Variants in LGALS9B observed in about 807,000 individuals in gnomAD.
LGALS9B encodes galectin-9B.
In LGALS9B, 8 loss-of-function variants were observed where a neutral mutation model predicts 35.9. The ratio of observed to expected loss-of-function variants is 0.22; its 90% CI spans 0.13 to 0.40. LGALS9B has a LOEUF of 0.40. LGALS9B is among the 10% of genes least tolerant of loss of function. The pLI, the probability that LGALS9B is intolerant of heterozygous loss-of-function variation, is 1.00. For synonymous variants in LGALS9B, 42 were observed against 148.6 expected (o/e 0.28, Z 5.22); for missense variants, 101 against 397.9 (o/e 0.25, Z 6.35).
At chr17:20,461,363 G>T (rs1253367130) in intron 1 of LGALS9B, among the ~76,000 whole-genome samples, 3 of 151,788 alleles carry the variant, frequency 2.0e-5, no homozygotes, top group African/African-American at 7.3e-5. Context: ...TGGTAGAAGA[G>T]ACTGGCACAG....
chr17:20,466,854 C>T (rs2042766414), intron 1 of LGALS9B, among the ~76,000 whole-genome samples: 2 of 148,442 alleles, frequency 1.3e-5, no homozygotes, highest in Non-Finnish European at 2.9e-5. Context: ...GGAGGCCTTC[C>T]CTGCTGCCCC....
intron 1 of LGALS9B, among the ~76,000 whole-genome samples, chr17:20,466,077 A>T (rs1224591984): frequency 1.3e-5 from 2 of 152,032 alleles, no homozygotes; most frequent in Non-Finnish European, 2.9e-5. Flanking sequence ...AGAACCTGGA[A>T]GAAGCTCTGG....
At chr17:20,464,717 G>T (rs1386964269) in intron 1 of LGALS9B, among the ~76,000 whole-genome samples, 1 of 151,058 alleles carries the variant, frequency 6.6e-6, no homozygotes, top group Admixed American at 6.6e-5. Context: ...GGTCCCATGG[G>T]CCTGGGCTCG....
At chr17:20,460,937 C>T (rs1048704546) in intron 1 of LGALS9B, among the ~76,000 whole-genome samples, 3 of 144,836 alleles carry the variant, frequency 2.1e-5, no homozygotes, top group South Asian at 4.6e-4. Flanking sequence ...CAGGTTCCAC[C>T]GAGAGGGTCA....
chr17:20,467,315 G>T (rs978546207), intron 1 of LGALS9B, 117 bp downstream of exon 1: 3 of 728,302 alleles, frequency 4.1e-6, no homozygotes, highest in African/African-American at 1.9e-5. Context: ...CCCTGCTTGT[G>T]TTCTCTTTGG....
At chr17:20,467,087 A>ACCATG (rs2142431295) in intron 1 of LGALS9B, among the ~76,000 whole-genome samples, 1 of 142,920 alleles carries the variant, frequency 7.0e-6, no homozygotes, top group South Asian at 2.3e-4. Flanking sequence ...ACCCTTAACT[A>ACCATG]CCATGCCGGG....
chr17:20,454,515 G>A (rs916100772), intron 5 of LGALS9B, among the ~76,000 whole-genome samples: 2 of 151,696 alleles, frequency 1.3e-5, no homozygotes, highest in African/African-American at 4.8e-5. Flanking sequence ...AGCCCTCTGG[G>A]GCCTCATGGG....
Position 20,463,360 on chromosome 17 carries a change from A to T in LGALS9B, c.40-2917T>A, listed in dbSNP as rs1285739069. 9.7e-5 allele frequency among the ~76,000 whole-genome samples: 4 copies of T among 41,120 alleles called. 1 individual carries two copies. Among genetic ancestry groups the T allele is most frequent in the African/African-American group, 3.8e-4 (4 of 10,442 alleles). 27.0% of individuals were successfully genotyped at this position (41,120 alleles called of 152,430 possible). The stretch of plus-strand genomic sequence containing the variant: ...CAAGCCATACCCCACTAATTTTCAA[A>T]TTTTTTTGAAAAGACCAGGTCTCGA... On this transcript the variant is annotated intron_variant, in intron 1 of 10. Transcript: ENST00000423676.
intron 5 of LGALS9B, among the ~76,000 whole-genome samples, chr17:20,455,006 T>G (rs868011530): frequency 4.6e-5 from 6 of 129,528 alleles, no homozygotes; most frequent in East Asian, 2.3e-4. Flanking sequence ...GTGTGGGGGG[T>G]GGGGAACTGG....
chr17:20,458,119 TCA>T (rs2042701026), intron 3 of LGALS9B, 62 bp downstream of exon 3: 2 of 1,508,192 alleles, frequency 1.3e-6, no homozygotes, highest in African/African-American at 2.8e-5. Context: ...AAAAGGCCAT[TCA>T]CATTCACCTG....
chr17:20,451,030 T>C (rs1375976591), intron 10 of LGALS9B, among the ~76,000 whole-genome samples: 1 of 151,618 alleles, frequency 6.6e-6, no homozygotes, highest in African/African-American at 2.4e-5. Flanking sequence ...AATCTGTTCA[T>C]GCTTTAGTTT....
chr17:20,458,377 C>T lies in LGALS9B; in HGVS notation c.139G>A (p.Val47Met), dbSNP rs772305447. Residue 47 changes from valine (V) to methionine (M), a missense_variant, in exon 3 of 11, where the codon GTG becomes ATG. By Grantham distance (21) the Val-to-Met change is conservative. Coordinates refer to ENST00000423676, the MANE Select transcript of LGALS9B (RefSeq NM_001367292.2). ...CCACTGAAGCCCGTCTGAAAGTCCA[C>T]AGCAAACCTAGGCCCAGGAAAAGCA... ...VLSSSGTRFAVDFQTGFSGND... is the reference protein window; with the variant it reads ...VLSSSGTRFAMDFQTGFSGND... 1 of 1,609,492 alleles carries T rather than the reference C, an allele frequency of 6.2e-7. No individual in the cohort carries two copies. Among genetic ancestry groups the T allele is most frequent in the Non-Finnish European group, 8.5e-7 (1 of 1,177,876 alleles).
rs540455217 is a variant in LGALS9B, at chr17:20,464,201, C to T, written c.39+3231G>A. Reference sequence around the variant, plus strand: ...CAGCCTCCACTTCCCCAGGCTCACGCGATCCTCCCACCTCAGCCTCCCAGG... The same window carrying T: ...CAGCCTCCACTTCCCCAGGCTCACGTGATCCTCCCACCTCAGCCTCCCAGG... On this transcript the variant is annotated intron_variant, in intron 1 of 10. Transcript: ENST00000423676. Among the ~76,000 whole-genome samples, 28 of 149,372 alleles carry T rather than the reference C, an allele frequency of 1.9e-4. 1 individual carries two copies. Among genetic ancestry groups the T allele is most frequent in the African/African-American group, 5.2e-4 (21 of 40,364 alleles).
At chr17:20,453,222 G>A (rs2042663126) in intron 6 of LGALS9B, 155 bp from the exon 7 acceptor site, 3 of 863,494 alleles carry the variant, frequency 3.5e-6, no homozygotes, top group South Asian at 3.0e-5. Context: ...GGACGAGGGA[G>A]AGGCAAAGGT....
intron 4 of LGALS9B, among the ~76,000 whole-genome samples, chr17:20,456,086 C>T (rs1019622143): frequency 2.6e-5 from 4 of 151,240 alleles, no homozygotes; most frequent in Admixed American, 2.0e-4. Flanking sequence ...GGCCCAGGGG[C>T]GCCATTGTGT....
intron 3 of LGALS9B, chr17:20,457,444 G>T (rs2042695814): frequency 7.5e-6 from 1 of 133,186 alleles, no homozygotes; most frequent in African/African-American, 3.0e-5. Context: ...CCAGGCCCCA[G>T]TGTGTGTTGT....
At position 20,461,229 on chromosome 17, in the gene LGALS9B, G is replaced by A. The variant is rs565141367; in HGVS notation, c.40-786C>T. On this transcript the variant is annotated intron_variant, in intron 1 of 10. Transcript: ENST00000423676. ...TCCAGGTCTGAATCCTAACTCTGCT[G>A]CTCCTGACCTGAGTGGCCTTGGGAA... 2.0e-5 allele frequency among the ~76,000 whole-genome samples: 3 copies of A among 151,430 alleles called. No homozygotes were observed. The South Asian group carries it at 6.3e-4, about 32-fold the overall frequency.
chr17:20,464,180 C>T (rs2042745839), intron 1 of LGALS9B, among the ~76,000 whole-genome samples: 1 of 148,560 alleles, frequency 6.7e-6, no homozygotes, highest in African/African-American at 2.5e-5. Flanking sequence ...TCACTGCAGC[C>T]TCCACTTCCC....
chr17:20,466,365 A>C (rs1332323271), intron 1 of LGALS9B, among the ~76,000 whole-genome samples: 1 of 151,676 alleles, frequency 6.6e-6, no homozygotes, highest in African/African-American at 2.4e-5. Flanking sequence ...ACTCAGTATC[A>C]CCAGAGGGCA....
Sources: gnomAD v4.1 joint callset for allele counts (sites outside exome capture counted in the v4.1 genomes callset) on GRCh38, gnomAD v4.1.1 for gene constraint, MANE v1.5 for transcripts, NCBI Gene and HGNC (gene_info 2026-07-23, HGNC 2026-07-21) for gene names.